DNAH11: variants seen among roughly 807,000 people sequenced by gnomAD.
DNAH11 encodes the protein axonemal beta dynein heavy chain 11.
In DNAH11, 442 loss-of-function variants were observed where a neutral mutation model predicts 526.0. The observed-to-expected ratio is 0.84, with a 90% CI of 0.78 to 0.91. The LOEUF (loss-of-function observed/expected upper bound fraction) is 0.91. Among genes scored for constraint, DNAH11 ranks in the 40% least tolerant of loss-of-function variants. The pLI, the probability that DNAH11 is intolerant of heterozygous loss-of-function variation, is 0.00. For synonymous variants in DNAH11, 2,461 were observed against 1,935.9 expected, an observed-to-expected ratio of 1.27 and a Z score of -7.12; for missense variants, 6,989 against 5,448.7, an observed-to-expected ratio of 1.28 and a Z score of -8.90.
chr7:21,835,590 A>G (rs1226886064), intron 65 of DNAH11, among the ~76,000 whole-genome samples: 1 of 152,162 alleles, frequency 6.6e-6, no homozygotes, highest in African/African-American at 2.4e-5. Context: ...TTCTCAACAA[A>G]TTGTGTATAG....
chr7:21,689,125 G>A (rs1376021374), intron 34 of DNAH11, among the ~76,000 whole-genome samples: 1 of 152,154 alleles, frequency 6.6e-6, no homozygotes, highest in African/African-American at 2.4e-5. Context: ...TTTGTGTTCA[G>A]GTGTCTGTTT....
At chr7:21,569,782 A>C (rs1222301551) in intron 6 of DNAH11, among the ~76,000 whole-genome samples, 1 of 152,232 alleles carries the variant, frequency 6.6e-6, no homozygotes, top group Non-Finnish European at 1.5e-5. Flanking sequence ...CAGTCATGCA[A>C]ATTACATGAC....
At chr7:21,789,117 C>T in intron 60 of DNAH11, 124 bp from the exon 61 acceptor site, 1 of 699,652 alleles carries the variant, frequency 1.4e-6, no homozygotes, top group South Asian at 1.9e-5. Context: ...GAGAAGACCC[C>T]ATCTCAATAA....
chr7:21,551,300 A>G (rs956432145), intron 2 of DNAH11, among the ~76,000 whole-genome samples: 2 of 152,222 alleles, frequency 1.3e-5, no homozygotes, highest in African/African-American at 2.4e-5. Context: ...CAGCAGCGCC[A>G]TCTGCAAGCT....
intron 65 of DNAH11, among the ~76,000 whole-genome samples, chr7:21,823,543 T>C (rs1441741751): frequency 2.0e-5 from 3 of 152,180 alleles, no homozygotes; most frequent in Non-Finnish European, 4.4e-5. Context: ...CTCCTTTACA[T>C]AGTATATTTT....
chr7:21,633,565 A>G (rs373988815), intron 25 of DNAH11, among the ~76,000 whole-genome samples: 3 of 152,194 alleles, frequency 2.0e-5, no homozygotes, highest in African/African-American at 4.8e-5. Context: ...TCCTAGTTCT[A>G]ATACTCAACA....
chr7:21,848,809 G>A (rs1191561750), intron 66 of DNAH11, among the ~76,000 whole-genome samples: 1 of 151,896 alleles, frequency 6.6e-6, no homozygotes, highest in Non-Finnish European at 1.5e-5. Context: ...AATATAAATT[G>A]TATTTCTTTT....
chr7:21,593,242 T>C (rs540895449), intron 14 of DNAH11, among the ~76,000 whole-genome samples: 23 of 152,198 alleles, frequency 1.5e-4, no homozygotes, highest in African/African-American at 5.3e-4. Flanking sequence ...CATCCTGACG[T>C]AGGACCTGAA....
intron 65 of DNAH11, among the ~76,000 whole-genome samples, chr7:21,841,400 C>G (rs1782198839): frequency 1.3e-5 from 2 of 152,126 alleles, no homozygotes; most frequent in Admixed American, 1.3e-4. Context: ...ACAGCTGGCC[C>G]TGAAATAACA....
chr7:21,740,950 A>C (rs1310054816), intron 48 of DNAH11, among the ~76,000 whole-genome samples: 1 of 152,086 alleles, frequency 6.6e-6, no homozygotes, highest in African/African-American at 2.4e-5. Flanking sequence ...AGTATCTCAT[A>C]GTTATGATTT....
intron 45 of DNAH11, among the ~76,000 whole-genome samples, chr7:21,731,839 A>T (rs975267371): frequency 1.3e-5 from 2 of 152,198 alleles, no homozygotes; most frequent in African/African-American, 4.8e-5. Flanking sequence ...ATTGTTGTGT[A>T]CTGCAATGCT....
At chr7:21,632,973 A>G (rs1219060274) in intron 25 of DNAH11, among the ~76,000 whole-genome samples, 1 of 152,242 alleles carries the variant, frequency 6.6e-6, no homozygotes, top group African/African-American at 2.4e-5. Context: ...ATACAGTTCC[A>G]TGTGGCTGGG....
intron 25 of DNAH11, among the ~76,000 whole-genome samples, chr7:21,621,110 T>C (rs1786032160): frequency 6.6e-6 from 1 of 152,140 alleles, no homozygotes; most frequent in Admixed American, 6.5e-5. Context: ...AAATGGTATT[T>C]CTAGTTCTAG....
chr7:21,745,163 C>T lies in DNAH11; in HGVS notation c.8510+100C>T, dbSNP rs934381628. 19 of 1,161,308 alleles carry T rather than the reference C, an allele frequency of 1.6e-5. No homozygotes were observed. In the African/African-American group the frequency reaches 2.5e-4, roughly 15 times the overall value. 71.9% of individuals were successfully genotyped at this position (1,161,308 alleles called of 1,614,324 possible). A position where few individuals can be genotyped will look rare whatever the true frequency, so the allele number is the denominator to read the frequency against. On this transcript the variant is annotated intron_variant, in intron 51 of 81. Transcript: ENST00000409508. ...GATCATACTAAGCACTCTGAACCAT[C>T]AGTTCTTATCTGCTGTTTGACATAT...
rs751971935 is a variant in DNAH11 at position 21,591,476 on chromosome 7, A to G, written c.2566A>G (p.Arg856Gly). 6.2e-7 allele frequency: 1 copy of G among 1,613,742 alleles called. No individual in the cohort carries two copies. Among genetic ancestry groups the G allele is most frequent in the Admixed American group, 1.7e-5 (1 of 60,016 alleles). The change falls in exon 14 of 82, where the codon AGA becomes GGA. Residue 856 changes from arginine (R) to glycine (G), a missense_variant. Transcript: ENST00000409508. ...CGTGCTACCTCCCAGGAGAGAGCAC[A>G]GACGAGAGGCAGCCTTCACCTTGGA... ...RCVLPPRREH[R>G]REAAFTLEDK...
At chr7:21,773,259 C>T (rs1787517507) in intron 55 of DNAH11, among the ~76,000 whole-genome samples, 1 of 151,368 alleles carries the variant, frequency 6.6e-6, no homozygotes, top group Non-Finnish European at 1.5e-5. Flanking sequence ...TATTTTTCTC[C>T]CAGAAGCAGT....
chr7:21,638,967 G>A lies in DNAH11; in HGVS notation c.4846G>A (p.Glu1616Lys), dbSNP rs778556518. ...TTCTCTTTGTGAAAAAGCTCTCGCT[G>A]AATACCTGGAAACCAAGCGCATAGC... Reference protein sequence around the residue: ...RLSLCEKALAEYLETKRIAFP... With the variant: ...RLSLCEKALAKYLETKRIAFP... The change falls in exon 28 of 82, where the codon GAA becomes AAA. Residue 1616 changes from glutamate (E) to lysine (K), a missense_variant. Physicochemically the swap from Glu to Lys is moderately conservative, Grantham distance 56 (BLOSUM62 1). Transcript: ENST00000409508. The A allele has an allele frequency of 6.2e-7, 1 of 1,611,892 alleles. No homozygotes were observed. Among genetic ancestry groups the A allele is most frequent in the Non-Finnish European group, 8.5e-7 (1 of 1,179,308 alleles).
At chr7:21,800,870 C>A (rs1788955560) in intron 61 of DNAH11, among the ~76,000 whole-genome samples, 1 of 152,132 alleles carries the variant, frequency 6.6e-6, no homozygotes, top group Admixed American at 6.5e-5. Flanking sequence ...CATCCATTCA[C>A]CCCAGTCGCT....
intron 27 of DNAH11, 46 bp from the exon 28 acceptor site, chr7:21,638,893 G>A (rs781574523): frequency 6.4e-7 from 1 of 1,562,564 alleles, no homozygotes; most frequent in Non-Finnish European, 8.6e-7. Flanking sequence ...AAGTTTTAAT[G>A]ACTGAAGGGA....
Sources: allele counts gnomAD v4.1 joint callset (sites outside exome capture counted in the v4.1 genomes callset), GRCh38; gene constraint gnomAD v4.1.1; transcripts MANE v1.5; gene names NCBI Gene and HGNC (gene_info 2026-07-23, HGNC 2026-07-21).